Variants in ANK3 observed in about 807,000 individuals in gnomAD.
The protein encoded by ANK3 is ankyrin 3.
Under a neutral mutation model 370.9 loss-of-function variants are expected in ANK3, and 57 were observed. That is an observed-to-expected ratio of 0.15 (90% CI 0.12 to 0.19). The LOEUF is 0.19. Ranked by LOEUF, ANK3 falls within the 10% of genes least tolerant of loss-of-function variation. The probability of loss-of-function intolerance (pLI) is 1.00; values close to 1 mark genes in which losing one functional copy is unlikely to be tolerated. For synonymous variants in ANK3, 1,929 were observed against 1,946.3 expected (o/e 0.99, Z 0.23); for missense variants, 4,439 against 5,302.1 (o/e 0.84, Z 5.06).
chr10:60,450,824 A>G (rs1187779900), intron 2 of ANK3, among the ~76,000 whole-genome samples: 1 of 152,228 alleles, frequency 6.6e-6, no homozygotes, highest in Admixed American at 6.5e-5. Context: ...CAGAACACTT[A>G]ACGTGAATTT....
chr10:60,591,654 C>T (rs1201394192), intron 2 of ANK3, among the ~76,000 whole-genome samples: 1 of 152,018 alleles, frequency 6.6e-6, no homozygotes, highest in African/African-American at 2.4e-5. Context: ...TTCACAATAG[C>T]CAAGATTTGG....
chr10:60,711,274 T>C (rs188186751), intron 1 of ANK3, among the ~76,000 whole-genome samples: 118 of 152,250 alleles, frequency 7.8e-4, no homozygotes, highest in African/African-American at 2.8e-3. Flanking sequence ...TTCTCCATGA[T>C]TGGATTATTA....
At chr10:60,643,407 A>T (rs140162126) in intron 1 of ANK3, among the ~76,000 whole-genome samples, 1 of 151,590 alleles carries the variant, frequency 6.6e-6, no homozygotes, top group East Asian at 1.9e-4. Flanking sequence ...CAGTTTTGAA[A>T]CTCGGACTGG....
rs565639502 is a variant in ANK3, at chr10:60,028,289, T to A, written c.*1557A>T. ...TGAATGTTAGAGATTATCTCTTCAG[T>A]GACCACAGAGGCACAAAGAGGACCA... On this transcript the variant is annotated 3_prime_UTR_variant, in exon 44 of 44. Transcript: ENST00000280772. 1.3e-5 allele frequency: 2 copies of A among 152,750 alleles called. No individual in the cohort carries two copies. The highest frequency in any genetic ancestry group is 3.9e-4 in the East Asian group (2 of 5,182). 9.5% of individuals were successfully genotyped at this position (152,750 alleles called of 1,614,324 possible). A position where few individuals can be genotyped will look rare whatever the true frequency, so the allele number is the denominator to read the frequency against.
rs4315016 is a variant in ANK3, at chr10:60,569,786, A to T, written c.96+45400T>A. On this transcript the variant is annotated intron_variant, in intron 2 of 43. Coordinates refer to the ANK3 transcript ENST00000373827. The stretch of plus-strand genomic sequence containing the variant: ...AATTTTAAAGGCCATTTTAAGATAG[A>T]TTTTTTTTATGGAAAATGATGTCAC... Among the ~76,000 whole-genome samples, 483 of 152,146 alleles carry T rather than the reference A, an allele frequency of 3.2e-3. 4 individuals carry two copies. The highest frequency in any genetic ancestry group is 0.011 in the African/African-American group (459 of 41,534).
At chr10:60,428,491 T>C (rs1051322293) in intron 2 of ANK3, among the ~76,000 whole-genome samples, 16 of 152,216 alleles carry the variant, frequency 1.1e-4, no homozygotes, top group Admixed American at 3.3e-4. Context: ...TGGTTATTTT[T>C]TAAGTGACTT....
intron 21 of ANK3, among the ~76,000 whole-genome samples, chr10:60,172,041 A>T (rs2095805506): frequency 6.6e-6 from 1 of 152,226 alleles, no homozygotes; most frequent in Non-Finnish European, 1.5e-5. Flanking sequence ...CAAAGCAAAC[A>T]AATAAATAAA....
chr10:60,641,911 C>G (rs1387619189), intron 1 of ANK3, among the ~76,000 whole-genome samples: 1 of 149,754 alleles, frequency 6.7e-6, no homozygotes, highest in Non-Finnish European at 1.5e-5. Context: ...CCAGAATCTA[C>G]AATGAACTCA....
In ANK3 at chr10:60,075,849, C is replaced by T. The variant is rs761113590; in HGVS notation, c.5032G>A (p.Val1678Met). The T allele has an allele frequency of 3.1e-6, 5 of 1,614,014 alleles. No individual in the cohort carries two copies. The highest frequency in any genetic ancestry group is 4.2e-6 in the Non-Finnish European group (5 of 1,180,004). Residue 1678 changes from valine to methionine, a missense_variant, in exon 37 of 44, where the codon GTG (valine) becomes ATG (methionine). Physicochemically the swap from Val to Met is conservative, Grantham distance 21 (BLOSUM62 1). Around this residue, in one of 13 missense-constraint regions of ANK3, gnomAD observed 679 missense variants for 791.0 expected, o/e 0.86. Transcript: ENST00000280772. ...ACTGCTGATTTAACTGGAGACACCA[C>T]TGACTTTAAAGGTGAAGATATTAGC... ...APLISSPLKS[V>M]VSPVKSAVDV...
intron 42 of ANK3, among the ~76,000 whole-genome samples, chr10:60,052,035 C>T (rs2131898663): frequency 6.6e-6 from 1 of 152,100 alleles, no homozygotes; most frequent in East Asian, 1.9e-4. Flanking sequence ...ATTTGACAAC[C>T]TTATTAAAAG....
At chr10:60,446,746 G>T (rs532783436) in intron 2 of ANK3, among the ~76,000 whole-genome samples, 1 of 152,130 alleles carries the variant, frequency 6.6e-6, no homozygotes, top group Admixed American at 6.5e-5. Flanking sequence ...TTATCTGTGC[G>T]AAAGAGGCTA....
At position 60,366,582 on chromosome 10, in the gene ANK3, C is replaced by A. The variant is rs72806107; in HGVS notation, c.114+22843G>T. On this transcript the variant is annotated intron_variant, in intron 1 of 43. Transcript: ENST00000280772. Reference sequence around the variant, plus strand: ...GATACTAGACTTTTCCTGTTTAATACATTGAAGGAAGAAAGAAGGGGGAAG... The same window carrying A: ...GATACTAGACTTTTCCTGTTTAATAAATTGAAGGAAGAAAGAAGGGGGAAG... Among the ~76,000 whole-genome samples, 1,155 of 146,378 alleles carry A rather than the reference C, an allele frequency of 7.9e-3. 6 individuals carry two copies. Among genetic ancestry groups the A allele is most frequent in the South Asian group, 0.011 (52 of 4,664 alleles).
chr10:60,045,342 A>C (rs1458229385), intron 42 of ANK3, among the ~76,000 whole-genome samples: 1 of 152,178 alleles, frequency 6.6e-6, no homozygotes, highest in East Asian at 1.9e-4. Flanking sequence ...AATAGAATAC[A>C]TTCTTAACTC....
At chr10:60,540,372 C>T (rs1051307985) in intron 2 of ANK3, among the ~76,000 whole-genome samples, 4 of 151,886 alleles carry the variant, frequency 2.6e-5, no homozygotes, top group African/African-American at 9.7e-5. Flanking sequence ...TTCTGAGGGA[C>T]GACTGTGTTT....
intron 1 of ANK3, chr10:60,685,221 ACT>A (rs2079252203): frequency 6.0e-6 from 2 of 335,510 alleles, no homozygotes; most frequent in South Asian, 3.1e-5. Flanking sequence ...CAGATGCCTA[ACT>A]CTGTTGATTT....
chr10:60,063,146 G>C lies in ANK3; in HGVS notation c.12560C>G (p.Ala4187Gly). 1 of 1,613,196 alleles carries C rather than the reference G, an allele frequency of 6.2e-7. No homozygotes were observed. Among genetic ancestry groups the C allele is most frequent in the Non-Finnish European group, 8.5e-7 (1 of 1,179,690 alleles). The change falls in exon 40 of 44, where the codon GCA (alanine) becomes GGA (glycine). Residue 4187 changes from alanine (A) to glycine (G), a missense_variant. Ala to Gly is a moderately conservative substitution (Grantham distance 60). Transcript: ENST00000280772. ...YGNISGTRSF[A>G]DENNVFHDPV... ...GTCATGGAAAACATTGTTCTCATCT[G>C]CAAAACTTCTGGTGCCTGAAATATT...
In ANK3 at chr10:60,069,634, C is replaced by T; in HGVS notation, c.11247G>A (p.Met3749Ile). The T allele has an allele frequency of 6.2e-7, 1 of 1,614,158 alleles. No individual in the cohort carries two copies. The highest frequency in any genetic ancestry group is 8.5e-7 in the Non-Finnish European group (1 of 1,180,018). Residue 3749 changes from methionine to isoleucine, a missense_variant, in exon 37 of 44, where the codon ATG becomes ATA. This residue lies in a region of ANK3 where 496 missense variants were observed against 529.3 expected (regional missense o/e 0.94). Coordinates refer to ENST00000280772, the MANE Select transcript of ANK3 (RefSeq NM_020987.5). ...CATTTTCTAATCCCTGACAACTGGT[C>T]ATCACCGCTTCTATCTTATCTGTTA... ...GEITDKIEAV[M>I]TSCQGLENET...
At chr10:60,393,011 A>G (rs1243396753), upstream of ANK3, among the ~76,000 whole-genome samples, 1 of 152,192 alleles carries the variant, frequency 6.6e-6, no homozygotes, top group Admixed American at 6.5e-5. Flanking sequence ...CTCAAGAAAA[A>G]AAGAAAAAAT....
chr10:60,244,211 TG>T (rs2097519565), intron 7 of ANK3, among the ~76,000 whole-genome samples: 1 of 152,156 alleles, frequency 6.6e-6, no homozygotes, highest in Non-Finnish European at 1.5e-5. Flanking sequence ...CTATATTACT[TG>T]TGATAAATGG....
Sources: gnomAD v4.1 joint callset for allele counts (sites outside exome capture counted in the v4.1 genomes callset) on GRCh38, gnomAD v4.1.1 for gene constraint, gnomAD v4.1.1 regional missense constraint, MANE v1.5 for transcripts, NCBI Gene and HGNC (gene_info 2026-07-23, HGNC 2026-07-21) for gene names.